The following PIK3C2G variants were observed in gnomAD, a reference collection of about 807,000 sequenced individuals.
The protein encoded by PIK3C2G is phosphatidylinositol 3-kinase C2 domain-containing subunit gamma.
PIK3C2G carries 168 observed loss-of-function variants against 181.1 expected under a neutral mutation model. That is an observed-to-expected ratio of 0.93 (90% CI 0.82 to 1.05). PIK3C2G has a LOEUF of 1.05. PIK3C2G is among the 50% of genes least tolerant of loss of function. PIK3C2G has a pLI of 0.00. For synonymous variants in PIK3C2G, 573 were observed against 592.2 expected, an observed-to-expected ratio of 0.97 and a Z score of 0.47; for missense variants, 1,869 against 1,732.8, an observed-to-expected ratio of 1.08 and a Z score of -1.40.
chr12:18,513,341 C>G (rs906440115), intron 24 of PIK3C2G, among the ~76,000 whole-genome samples: 7 of 149,756 alleles, frequency 4.7e-5, no homozygotes, highest in African/African-American at 1.7e-4. Context: ...TCTTCTATTT[C>G]ATTTTTGTGG....
intron 22 of PIK3C2G, among the ~76,000 whole-genome samples, chr12:18,499,497 C>T (rs1941257497): frequency 6.6e-6 from 1 of 152,178 alleles, no homozygotes. Flanking sequence ...GAGTATCATT[C>T]TCATGGTCAC....
chr12:18,606,476 C>G (rs1948027222), intron 30 of PIK3C2G, among the ~76,000 whole-genome samples: 1 of 151,898 alleles, frequency 6.6e-6, no homozygotes, highest in South Asian at 2.1e-4. Flanking sequence ...ATAGTCTCTC[C>G]CAGTTAGTGT....
At chr12:18,294,741 C>G (rs74068694) in intron 5 of PIK3C2G, among the ~76,000 whole-genome samples, 1 of 152,004 alleles carries the variant, frequency 6.6e-6, no homozygotes, top group African/African-American at 2.4e-5. Context: ...TTATTCTAAA[C>G]AGTAAAGTAT....
chr12:18,462,035 T>G (rs897307345), intron 18 of PIK3C2G, among the ~76,000 whole-genome samples: 3 of 152,198 alleles, frequency 2.0e-5, no homozygotes, highest in African/African-American at 7.2e-5. Context: ...GTGATGACAT[T>G]GGGTCCACCC....
intron 18 of PIK3C2G, among the ~76,000 whole-genome samples, chr12:18,470,709 C>T (rs954420610): frequency 5.3e-5 from 8 of 152,094 alleles, no homozygotes; most frequent in East Asian, 1.9e-4. Context: ...GTAAGCCACA[C>T]GGTTCATTCC....
chr12:18,355,836 T>C (rs185123017), intron 11 of PIK3C2G, among the ~76,000 whole-genome samples: 1 of 152,332 alleles, frequency 6.6e-6, no homozygotes, highest in East Asian at 1.9e-4. Context: ...GGACTAAACA[T>C]ACATTCTGCC....
chr12:18,274,868 T>C (rs966158062), intron 1 of PIK3C2G, among the ~76,000 whole-genome samples: 1 of 152,202 alleles, frequency 6.6e-6, no homozygotes, highest in African/African-American at 2.4e-5. Context: ...GAACTACGTA[T>C]ATGTTGTCAG....
At chr12:18,704,508 T>C in the PIK3C2G span, among the ~76,000 whole-genome samples, 1 of 152,058 alleles carries the variant, frequency 6.6e-6, no homozygotes, top group East Asian at 1.9e-4. Flanking sequence ...GTATTTTTAG[T>C]AGAGACGGGG....
chr12:18,716,636 G>A, the PIK3C2G span, among the ~76,000 whole-genome samples: 3 of 152,124 alleles, frequency 2.0e-5, no homozygotes, highest in African/African-American at 4.8e-5. Context: ...AAACTTACAG[G>A]TGATAGTCTC....
intron 5 of PIK3C2G, among the ~76,000 whole-genome samples, chr12:18,303,163 TTC>T (rs1565575808): frequency 6.9e-6 from 1 of 144,386 alleles, no homozygotes; most frequent in Non-Finnish European, 1.5e-5. Context: ...TTCTTTCTCT[TTC>T]TTTCTTTCTC....
intron 29 of PIK3C2G, among the ~76,000 whole-genome samples, chr12:18,588,832 G>A (rs373928373): frequency 6.6e-5 from 10 of 152,082 alleles, no homozygotes; most frequent in African/African-American, 2.4e-4. Flanking sequence ...GCAAAGAAAT[G>A]GAATCAACCT....
At chr12:18,613,380 C>G (rs1288116018) in intron 31 of PIK3C2G, among the ~76,000 whole-genome samples, 2 of 151,958 alleles carry the variant, frequency 1.3e-5, no homozygotes, top group African/African-American at 2.4e-5. Context: ...TACCTTCAAT[C>G]CTTTCATAAG....
chr12:18,589,251 T>G (rs967452903), intron 29 of PIK3C2G, among the ~76,000 whole-genome samples: 6 of 151,732 alleles, frequency 4.0e-5, no homozygotes, highest in Non-Finnish European at 7.4e-5. Context: ...ATTAATAAAT[T>G]AGATATGATT....
intron 26 of PIK3C2G, among the ~76,000 whole-genome samples, chr12:18,552,382 AC>A (rs1302675269): frequency 2.0e-5 from 3 of 152,142 alleles, no homozygotes; most frequent in African/African-American, 4.8e-5. Context: ...ATCCTTGTAT[AC>A]TTTTATCATT....
At chr12:18,704,429 G>T in the PIK3C2G span, among the ~76,000 whole-genome samples, 1 of 152,060 alleles carries the variant, frequency 6.6e-6, no homozygotes, top group Non-Finnish European at 1.5e-5. Flanking sequence ...GGGTTCAAGC[G>T]ATTCTCCTGC....
the PIK3C2G span, chr12:18,693,563 G>A: frequency 4.4e-6 from 7 of 1,602,822 alleles, no homozygotes; most frequent in Non-Finnish European, 6.0e-6. Flanking sequence ...CCTAGGTGAT[G>A]GGCCCAAACT....
intron 18 of PIK3C2G, among the ~76,000 whole-genome samples, chr12:18,446,743 G>C (rs1428946147): frequency 6.6e-6 from 1 of 152,132 alleles, no homozygotes; most frequent in African/African-American, 2.4e-5. Context: ...AGCATAGTTA[G>C]AAGTTTTATA....
At chr12:18,624,672 C>CT (rs572301461) in intron 31 of PIK3C2G, among the ~76,000 whole-genome samples, 11 of 151,186 alleles carry the variant, frequency 7.3e-5, no homozygotes, top group East Asian at 1.9e-4. Flanking sequence ...AGGTCCTGGG[C>CT]TTTTTTTTGA....
chr12:18,693,418 T>C, the PIK3C2G span: 1 of 1,604,520 alleles, frequency 6.2e-7, no homozygotes, highest in East Asian at 2.2e-5. Context: ...TATGAAGAGA[T>C]GGGTATAAAG....
Sources: gnomAD v4.1 joint callset for allele counts (sites outside exome capture counted in the v4.1 genomes callset) on GRCh38, gnomAD v4.1.1 for gene constraint, MANE v1.5 for transcripts, NCBI Gene and HGNC (gene_info 2026-07-23, HGNC 2026-07-21) for gene names.